ANXA10: variants seen among roughly 807,000 people sequenced by gnomAD.
ANXA10 encodes annexin 14.
Under a neutral mutation model 53.5 loss-of-function variants are expected in ANXA10, and 49 were observed. The ratio of observed to expected loss-of-function variants is 0.92; its 90% CI spans 0.73 to 1.16. The LOEUF (loss-of-function observed/expected upper bound fraction) is 1.16, where lower values mean the gene tolerates loss of function less well. ANXA10 is among the 50% of genes most tolerant of loss of function. The pLI, the probability that ANXA10 is intolerant of heterozygous loss-of-function variation, is 0.00. For synonymous variants in ANXA10, 131 were observed against 128.9 expected (o/e 1.02, Z -0.11); for missense variants, 393 against 394.4 (o/e 1.00, Z 0.03).
At chr4:168,093,589 A>C (rs1730494422) in intron 1 of ANXA10, among the ~76,000 whole-genome samples, 1 of 152,160 alleles carries the variant, frequency 6.6e-6, no homozygotes, top group Non-Finnish European at 1.5e-5. Context: ...AGGCAAGAGA[A>C]TGGCGTGAAC....
intron 3 of ANXA10, among the ~76,000 whole-genome samples, chr4:168,155,111 C>G (rs1470440610): frequency 6.7e-6 from 1 of 149,046 alleles, no homozygotes; most frequent in Non-Finnish European, 1.5e-5. Flanking sequence ...CCTTCTCTGT[C>G]CTGAAACATT....
intron 1 of ANXA10, among the ~76,000 whole-genome samples, chr4:168,100,642 T>C (rs1328785461): frequency 6.6e-6 from 1 of 152,110 alleles, no homozygotes; most frequent in African/African-American, 2.4e-5. Context: ...GTAATTCTTG[T>C]GAAATTATTT....
chr4:168,169,111 T>C (rs1334828502), intron 6 of ANXA10, among the ~76,000 whole-genome samples: 1 of 152,228 alleles, frequency 6.6e-6, no homozygotes. Context: ...CTCATTTTAA[T>C]TTGTAACAGA....
intron 3 of ANXA10, among the ~76,000 whole-genome samples, chr4:168,144,072 G>A (rs1448751787): frequency 6.6e-6 from 1 of 152,188 alleles, no homozygotes; most frequent in Non-Finnish European, 1.5e-5. Flanking sequence ...TCCAGGGCAA[G>A]CCTATCATCT....
At chr4:168,162,503 A>G in intron 3 of ANXA10, 25 bp from the exon 4 acceptor site, 1 of 1,541,238 alleles carries the variant, frequency 6.5e-7, no homozygotes, top group South Asian at 1.1e-5. Flanking sequence ...ACATATAATA[A>G]ATATATGTAC....
intron 3 of ANXA10, among the ~76,000 whole-genome samples, chr4:168,161,876 G>T (rs1025194054): frequency 2.0e-5 from 3 of 152,056 alleles, no homozygotes; most frequent in African/African-American, 7.2e-5. Context: ...CCTGTTTGTT[G>T]TTGTATAGGA....
chr4:168,135,696 G>A (rs960173481), intron 2 of ANXA10, among the ~76,000 whole-genome samples: 6 of 152,122 alleles, frequency 3.9e-5, no homozygotes, highest in African/African-American at 1.4e-4. Flanking sequence ...AGGGTGATAG[G>A]TGTTCCATGA....
chr4:168,177,708 A>T lies in ANXA10; in HGVS notation c.481-32A>T, dbSNP rs765429289. 2.5e-5 allele frequency: 40 copies of T among 1,611,776 alleles called. 1 individual carries two copies. The South Asian group carries it at 4.0e-4, about 16-fold the overall frequency. ...CCAATATGAGTTGCTGACTAAGAACATTTACATGGAAAACCTGTGCTTACT... is the reference window on the plus strand; with the variant it reads ...CCAATATGAGTTGCTGACTAAGAACTTTTACATGGAAAACCTGTGCTTACT... On this transcript the variant is annotated intron_variant, in intron 6 of 11. Transcript: ENST00000359299.
intron 3 of ANXA10, among the ~76,000 whole-genome samples, chr4:168,162,055 CTTAA>C (rs1553958162): frequency 6.6e-6 from 1 of 152,028 alleles, no homozygotes; most frequent in Non-Finnish European, 1.5e-5. Context: ...TCTAAGACTA[CTTAA>C]TTAATTTACA....
intron 1 of ANXA10, among the ~76,000 whole-genome samples, chr4:168,105,943 C>A (rs183010541): frequency 1.9e-4 from 29 of 152,156 alleles, no homozygotes; most frequent in Middle Eastern, 6.8e-3. Flanking sequence ...ATGTCCTTTG[C>A]CCACTTTTTG....
intron 3 of ANXA10, among the ~76,000 whole-genome samples, chr4:168,158,142 G>A (rs1662416123): frequency 6.6e-6 from 1 of 152,154 alleles, no homozygotes; most frequent in Non-Finnish European, 1.5e-5. Flanking sequence ...AGAATATGTG[G>A]TGGTATCTCA....
At chr4:168,161,654 A>C (rs1216402399) in intron 3 of ANXA10, among the ~76,000 whole-genome samples, 1 of 152,178 alleles carries the variant, frequency 6.6e-6, no homozygotes, top group African/African-American at 2.4e-5. Context: ...TACTTTGAAC[A>C]ATATGGCCAT....
At chr4:168,150,208 G>A (rs1731474038) in intron 3 of ANXA10, among the ~76,000 whole-genome samples, 1 of 152,142 alleles carries the variant, frequency 6.6e-6, no homozygotes, top group African/African-American at 2.4e-5. Flanking sequence ...GTATTTGAAA[G>A]GGGAGAGTTT....
chr4:168,169,287 C>T (rs886604106), intron 6 of ANXA10, among the ~76,000 whole-genome samples: 3 of 152,014 alleles, frequency 2.0e-5, no homozygotes, highest in Non-Finnish European at 4.4e-5. Context: ...AATGTTGCTA[C>T]AATAATATAA....
intron 1 of ANXA10, among the ~76,000 whole-genome samples, chr4:168,116,603 T>C (rs1169627530): frequency 1.3e-5 from 2 of 152,150 alleles, no homozygotes; most frequent in Non-Finnish European, 2.9e-5. Flanking sequence ...AGTAAGCTAC[T>C]GAATCAGAGA....
chr4:168,175,255 G>C (rs536530585), intron 6 of ANXA10, among the ~76,000 whole-genome samples: 2 of 152,256 alleles, frequency 1.3e-5, no homozygotes, highest in African/African-American at 4.8e-5. Context: ...GATTCAATAA[G>C]ATGAAGACTA....
rs1287025999 is a variant in ANXA10 at position 168,123,290 on chromosome 4, A to T, written c.19-4794A>T. Among the ~76,000 whole-genome samples, 3 of 151,704 alleles carry T rather than the reference A, an allele frequency of 2.0e-5. No homozygotes were observed. The East Asian group carries it at 5.8e-4, about 29-fold the overall frequency. ...GCAGTTAAAATGGAAAAACAAAAAA[A>T]ACCCAGACTTTATTTAAAAACTATT... On this transcript the variant is annotated intron_variant, in intron 1 of 11. Transcript: ENST00000359299.
At chr4:168,184,427 G>C (rs1732323715) in intron 10 of ANXA10, 132 bp from the exon 11 acceptor site, 1 of 1,014,886 alleles carries the variant, frequency 9.9e-7, no homozygotes, top group South Asian at 1.5e-5. Flanking sequence ...AGCCTGTGTG[G>C]CCAGTGATGC....
At chr4:168,177,868 T>A (rs1414118786) in intron 7 of ANXA10, 22 bp from the exon 8 acceptor site, 28 of 1,613,934 alleles carry the variant, frequency 1.7e-5, no homozygotes, top group Non-Finnish European at 2.4e-5. Context: ...TGATGCTACT[T>A]CTCTGCTGGC....
Sources: allele counts gnomAD v4.1 joint callset (sites outside exome capture counted in the v4.1 genomes callset), GRCh38; gene constraint gnomAD v4.1.1; transcripts MANE v1.5; gene names NCBI Gene and HGNC (gene_info 2026-07-23, HGNC 2026-07-21).